Variants in SCGB1A1 observed in about 807,000 individuals in gnomAD.
The protein encoded by SCGB1A1 is secretoglobin family 1A member 1, also known as uteroglobin.
In SCGB1A1, 8 loss-of-function variants were observed where a neutral mutation model predicts 7.5. The ratio of observed to expected loss-of-function variants is 1.07; its 90% CI spans 0.63 to 1.92. The LOEUF (loss-of-function observed/expected upper bound fraction) is 1.92, where lower values mean the gene tolerates loss of function less well. Ranked by LOEUF, SCGB1A1 falls within the 30% of genes most tolerant of loss-of-function variation. SCGB1A1 has a pLI of 0.00. For synonymous variants in SCGB1A1, 44 were observed against 40.8 expected, an observed-to-expected ratio of 1.08 and a Z score of -0.30; for missense variants, 121 against 112.7, an observed-to-expected ratio of 1.07 and a Z score of -0.33.
intron 1 of SCGB1A1, among the ~76,000 whole-genome samples, chr11:62,419,778 TGTGGG>T (rs1937733948): frequency 6.6e-6 from 1 of 150,942 alleles, no homozygotes; most frequent in Non-Finnish European, 1.5e-5. Context: ...GGAAAAGAAC[TGTGGG>T]GGGAAGAGGG....
chr11:62,422,239 C>G lies in SCGB1A1; in HGVS notation c.74C>G (p.Pro25Arg), dbSNP rs550040069. The G allele has an allele frequency of 6.2e-6, 10 of 1,612,454 alleles. No homozygotes were observed. The highest frequency in any genetic ancestry group is 8.5e-6 in the Non-Finnish European group (10 of 1,178,962). The part of the protein sequence containing the change: ...CCSSASAEIC[P>R]SFQRVIETLL... ...GTTGCAGCTTCTGCAGAGATCTGCC[C>G]GAGCTTTCAGCGTGTCATCGAAACC... Residue 25 changes from proline to arginine, a missense_variant, in exon 2 of 3, where the codon CCG becomes CGG. Transcript: ENST00000278282.
intron 1 of SCGB1A1, 88 bp from the exon 2 acceptor site, chr11:62,422,133 C>A: frequency 9.2e-7 from 1 of 1,081,396 alleles, no homozygotes; most frequent in Non-Finnish European, 1.3e-6. Flanking sequence ...ATGGGCCTGG[C>A]TGTTTGCATC....
chr11:62,421,169 CA>C, intron 1 of SCGB1A1, among the ~76,000 whole-genome samples: 1 of 151,854 alleles, frequency 6.6e-6, no homozygotes, highest in East Asian at 1.9e-4. Context: ...GGAGGGAAGG[CA>C]AATTTGTTCA....
Position 62,422,393 on chromosome 11 carries a change from C to T in SCGB1A1, c.228C>T (p.Ser76=), listed in dbSNP as rs767548213. The change falls in exon 2 of 3, where the codon AGC becomes AGT. Residue 76 remains serine (S), a synonymous_variant. Transcript: ENST00000278282. ...VDTLPQKPRE[S]IIKLMEKIAQ... ...CCCTCCCCCAAAAGCCCAGAGAAAG[C>T]ATCATTAAGCTCATGGTAACCAGCA... 2 of 1,612,886 alleles carry T rather than the reference C, an allele frequency of 1.2e-6. No individual in the cohort carries two copies. Among genetic ancestry groups the T allele is most frequent in the East Asian group, 2.2e-5 (1 of 44,862 alleles).
In SCGB1A1 at chr11:62,422,325, G is replaced by C; in HGVS notation, c.160G>C (p.Asp54His). The change falls in exon 2 of 3, where the codon GAC (aspartate) becomes CAC (histidine). Residue 54 changes from aspartate (D) to histidine (H), a missense_variant. Transcript: ENST00000278282. ...CATGGAACTTTTCAGCCCTGATCAA[G>C]ACATGAGGGAGGCAGGGGCTCAGCT... Reference protein sequence around the residue: ...AAMELFSPDQDMREAGAQLKK... With the variant: ...AAMELFSPDQHMREAGAQLKK... 1.2e-6 allele frequency: 2 copies of C among 1,614,144 alleles called. No homozygotes were observed. Among genetic ancestry groups the C allele is most frequent in the South Asian group, 2.2e-5 (2 of 91,076 alleles).
chr11:62,419,037 T>TA lies in SCGB1A1; in HGVS notation c.-58dup, dbSNP rs1937712537. The TA allele has an allele frequency of 6.7e-7, 1 of 1,488,734 alleles. No individual in the cohort carries two copies. Among genetic ancestry groups the TA allele is most frequent in the African/African-American group, 1.4e-5 (1 of 71,534 alleles). 92.2% of individuals were successfully genotyped at this position (1,488,734 alleles called of 1,614,324 possible). On this transcript the variant is annotated 5_prime_UTR_variant, in exon 1 of 3. Coordinates refer to ENST00000278282, the MANE Select transcript of SCGB1A1 (RefSeq NM_003357.5). Reference sequence around the variant, plus strand: ...GCACCTTGCTGGGCATGTCTCATACTAGCCCACCAGACTCAGAGACGGAAC... The same window carrying TA: ...GCACCTTGCTGGGCATGTCTCATACTAAGCCCACCAGACTCAGAGACGGAAC...
In SCGB1A1 at chr11:62,422,378, A is replaced by G. The variant is rs748932464; in HGVS notation, c.213A>G (p.Gln71=). ...QLKKLVDTLP[Q]KPRESIIKLM... ...AGAAGCTGGTGGACACCCTCCCCCA[A>G]AAGCCCAGAGAAAGCATCATTAAGC... is the stretch of plus-strand genomic sequence containing the variant. The change falls in exon 2 of 3, where the codon CAA becomes CAG. Residue 71 remains glutamine (Q), a synonymous_variant. Transcript: ENST00000278282. 1 of 1,613,736 alleles carries G rather than the reference A, an allele frequency of 6.2e-7. No homozygotes were observed. The highest frequency in any genetic ancestry group is 1.7e-5 in the Admixed American group (1 of 59,980).
chr11:62,422,316 C>A lies in SCGB1A1; in HGVS notation c.151C>A (p.Pro51Thr). The part of the protein sequence containing the change: ...SYEAAMELFS[P>T]DQDMREAGAQ... Reference sequence around the variant, plus strand: ...TGAGGCTGCCATGGAACTTTTCAGCCCTGATCAAGACATGAGGGAGGCAGG... The same window carrying A: ...TGAGGCTGCCATGGAACTTTTCAGCACTGATCAAGACATGAGGGAGGCAGG... Residue 51 changes from proline to threonine, a missense_variant, in exon 2 of 3, where the codon CCT (proline) becomes ACT (threonine). Coordinates refer to ENST00000278282, the MANE Select transcript of SCGB1A1 (RefSeq NM_003357.5). 1 of 1,614,112 alleles carries A rather than the reference C, an allele frequency of 6.2e-7. No homozygotes were observed. Among genetic ancestry groups the A allele is most frequent in the Non-Finnish European group, 8.5e-7 (1 of 1,180,002 alleles).
At chr11:62,421,428 T>C (rs563806789) in intron 1 of SCGB1A1, among the ~76,000 whole-genome samples, 1 of 151,848 alleles carries the variant, frequency 6.6e-6, no homozygotes, top group Non-Finnish European at 1.5e-5. Flanking sequence ...CGGGGGCCCA[T>C]GTTTGGCTGG....
chr11:62,422,550 C>T (rs2134747756), intron 2 of SCGB1A1, 142 bp downstream of exon 2: 4 of 398,290 alleles, frequency 1.0e-5, no homozygotes, highest in South Asian at 3.4e-5. Context: ...GCACAGTGAT[C>T]TTTCTAGACA....
In SCGB1A1 at chr11:62,419,057, C is replaced by T. The variant is rs748127430; in HGVS notation, c.-39C>T. ...CATACTAGCCCACCAGACTCAGAGA[C>T]GGAACCAGAGACGGGCCAGAGCATC... On this transcript the variant is annotated 5_prime_UTR_variant, in exon 1 of 3. In the 5' UTR this introduces an upstream ATG that the reference lacks. Coordinates refer to ENST00000278282, the MANE Select transcript of SCGB1A1 (RefSeq NM_003357.5). The T allele has an allele frequency of 1.2e-5, 19 of 1,551,600 alleles. No homozygotes were observed. Among genetic ancestry groups the T allele is most frequent in the South Asian group, 3.7e-5 (3 of 80,640 alleles).
At position 62,421,491 on chromosome 11, in the gene SCGB1A1, T is replaced by TCTTGCTTGCTTG. The variant is rs10676203; in HGVS notation, c.56-706_56-695dup. On this transcript the variant is annotated intron_variant, in intron 1 of 2. Coordinates refer to ENST00000278282, the MANE Select transcript of SCGB1A1 (RefSeq NM_003357.5). ...CTTTTCTTTTCTTCTTTTTCTTTTC[T>TCTTGCTTGCTTG]CTTGCTTGCTTGCTTGCTTGCTTGC... Among the ~76,000 whole-genome samples, 772 of 148,798 alleles carry TCTTGCTTGCTTG rather than the reference T, an allele frequency of 5.2e-3. 3 individuals carry two copies. Among genetic ancestry groups the TCTTGCTTGCTTG allele is most frequent in the African/African-American group, 0.018 (735 of 40,042 alleles).
rs530014139 is a variant in SCGB1A1, at chr11:62,420,221, G to T, written c.55+1071G>T. ...TAAGGGGTGGGTCAGAGATGCATTT[G>T]TCTATTTGTGTGCACATGCATACAA... is the stretch of plus-strand genomic sequence containing the variant. On this transcript the variant is annotated intron_variant, in intron 1 of 2. Transcript: ENST00000278282. 1.4e-3 allele frequency among the ~76,000 whole-genome samples: 218 copies of T among 151,954 alleles called. 2 individuals are homozygous for T. Among genetic ancestry groups the T allele is most frequent in the African/African-American group, 5.1e-3 (212 of 41,424 alleles).
chr11:62,423,024 T>C, intron 2 of SCGB1A1, 35 bp from the exon 3 acceptor site: 2 of 1,603,322 alleles, frequency 1.2e-6, no homozygotes, highest in East Asian at 2.2e-5. Context: ...CACTGTTGTA[T>C]TGGGTTTTTC....
rs527499865 is a variant in SCGB1A1, at chr11:62,422,173, C to G, written c.56-48C>G. Reference sequence around the variant, plus strand: ...CAGACCCAGCCAGAGGGCTAGCCAGCTTGGAAAGGGGCCTGGAGACATGTG... The same window carrying G: ...CAGACCCAGCCAGAGGGCTAGCCAGGTTGGAAAGGGGCCTGGAGACATGTG... On this transcript the variant is annotated intron_variant, in intron 1 of 2. Coordinates refer to ENST00000278282, the MANE Select transcript of SCGB1A1 (RefSeq NM_003357.5). 1.8e-5 allele frequency: 28 copies of G among 1,529,428 alleles called. No homozygotes were observed. In the African/African-American group the frequency reaches 3.4e-4, roughly 19 times the overall value. The allele number at this position is 1,529,428 out of a possible 1,614,324, so 94.7% of individuals were successfully genotyped here.
intron 1 of SCGB1A1, 89 bp from the exon 2 acceptor site, chr11:62,422,132 G>A: frequency 2.8e-6 from 3 of 1,068,716 alleles, no homozygotes; most frequent in South Asian, 1.9e-5. Flanking sequence ...GATGGGCCTG[G>A]CTGTTTGCAT....
At chr11:62,419,198 A>C in intron 1 of SCGB1A1, 48 bp downstream of exon 1, 125 of 1,365,494 alleles carry the variant, frequency 9.2e-5, no homozygotes, top group Middle Eastern at 1.9e-4. Flanking sequence ...AGGAACTCTC[A>C]GGACCCCCCA....
chr11:62,419,164 G>A lies in SCGB1A1; in HGVS notation c.55+14G>A. 1 of 1,528,038 alleles carries A rather than the reference G, an allele frequency of 6.5e-7. No individual in the cohort carries two copies. Among genetic ancestry groups the A allele is most frequent in the South Asian group, 1.3e-5 (1 of 76,860 alleles). 94.7% of individuals were successfully genotyped at this position (1,528,038 alleles called of 1,614,324 possible). On this transcript the variant is annotated intron_variant, in intron 1 of 2. Transcript: ENST00000278282. ...GCTGCAGCTCCGGTGAGTGCTCAGAGACCCTTCCCTCCCTCCTGGACTTAG... is the reference window on the plus strand; with the variant it reads ...GCTGCAGCTCCGGTGAGTGCTCAGAAACCCTTCCCTCCCTCCTGGACTTAG...
At chr11:62,420,303 C>A (rs1026453615) in intron 1 of SCGB1A1, among the ~76,000 whole-genome samples, 6 of 150,236 alleles carry the variant, frequency 4.0e-5, no homozygotes, top group Middle Eastern at 3.4e-3. Context: ...CACATAATAT[C>A]TCTTTTCATT....
Sources: allele counts gnomAD v4.1 joint callset (sites outside exome capture counted in the v4.1 genomes callset), GRCh38; gene constraint gnomAD v4.1.1; transcripts MANE v1.5; gene names NCBI Gene and HGNC (gene_info 2026-07-23, HGNC 2026-07-21).